TMEM131L: variants seen among roughly 807,000 people sequenced by gnomAD.
TMEM131L encodes transmembrane protein 131-like.
TMEM131L carries 54 observed loss-of-function variants against 192.2 expected under a neutral mutation model. That is an observed-to-expected ratio of 0.28 (90% CI 0.23 to 0.35). The LOEUF (loss-of-function observed/expected upper bound fraction) is 0.35, where lower values mean the gene tolerates loss of function less well. TMEM131L is among the 10% of genes least tolerant of loss of function. TMEM131L has a pLI of 1.00. For missense variants in TMEM131L, 1,888 were observed against 1,972.9 expected (o/e 0.96, Z 0.82); for synonymous variants, 701 against 704.9 (o/e 0.99, Z 0.09).
At chr4:153,603,256 G>T in intron 23 of TMEM131L, 47 bp from the exon 24 acceptor site, 1 of 1,506,990 alleles carries the variant, frequency 6.6e-7, no homozygotes. Flanking sequence ...TCTTTTGAAT[G>T]CCAGTCAGAA....
intron 3 of TMEM131L, among the ~76,000 whole-genome samples, chr4:153,510,140 A>C (rs1267102379): frequency 1.3e-5 from 2 of 152,100 alleles, no homozygotes; most frequent in African/African-American, 4.8e-5. Flanking sequence ...CAGCCTTTGG[A>C]TAGTTTAAAA....
Position 153,620,746 on chromosome 4 carries a change from T to C in TMEM131L, c.3568-10T>C, listed in dbSNP as rs1443270149. On this transcript the variant is annotated splice_polypyrimidine_tract_variant and intron_variant, in intron 26 of 34. Coordinates refer to ENST00000409959, the MANE Select transcript of TMEM131L (RefSeq NM_001131007.2). ...TTTAAACCATTAAACATTTACTTTCTCTTCTTTAGCAAGAAGATCCTTATA... is the reference window on the plus strand; with the variant it reads ...TTTAAACCATTAAACATTTACTTTCCCTTCTTTAGCAAGAAGATCCTTATA... 1.3e-6 allele frequency: 2 copies of C among 1,487,060 alleles called. No individual in the cohort carries two copies. The highest frequency in any genetic ancestry group is 1.8e-6 in the Non-Finnish European group (2 of 1,092,042). 92.1% of individuals were successfully genotyped at this position (1,487,060 alleles called of 1,614,324 possible).
intron 3 of TMEM131L, among the ~76,000 whole-genome samples, chr4:153,527,084 C>A (rs1043985427): frequency 5.3e-5 from 8 of 152,104 alleles, no homozygotes; most frequent in Non-Finnish European, 8.8e-5. Flanking sequence ...AATCAGATGA[C>A]CATCTTTTTT....
At chr4:153,541,768 C>T (rs773446315) in intron 3 of TMEM131L, among the ~76,000 whole-genome samples, 123 of 152,292 alleles carry the variant, frequency 8.1e-4, no homozygotes, top group African/African-American at 1.3e-3. Flanking sequence ...GAAACCAAGC[C>T]GGCAAAAAGA....
intron 3 of TMEM131L, among the ~76,000 whole-genome samples, chr4:153,515,525 A>G (rs1734669189): frequency 6.6e-6 from 1 of 152,196 alleles, no homozygotes; most frequent in Admixed American, 6.5e-5. Flanking sequence ...ATTATGAATA[A>G]TGCTGTGAAC....
At chr4:153,507,616 C>G (rs1734077325) in intron 3 of TMEM131L, among the ~76,000 whole-genome samples, 1 of 152,136 alleles carries the variant, frequency 6.6e-6, no homozygotes, top group Non-Finnish European at 1.5e-5. Context: ...ACCGTATTAC[C>G]CAGATTCTCT....
At chr4:153,620,915 T>C (rs1424106319) in intron 27 of TMEM131L, 35 bp downstream of exon 27, 14 of 1,527,964 alleles carry the variant, frequency 9.2e-6, no homozygotes, top group Admixed American at 4.8e-5. Context: ...TATTTTGATC[T>C]ATTTTTCACT....
chr4:153,514,458 A>C (rs1022469781), intron 3 of TMEM131L, among the ~76,000 whole-genome samples: 5 of 152,216 alleles, frequency 3.3e-5, no homozygotes, highest in African/African-American at 1.2e-4. Flanking sequence ...TTGGTTTTCA[A>C]AGTGGAAATA....
intron 32 of TMEM131L, 115 bp downstream of exon 32, chr4:153,632,953 G>T: frequency 8.0e-7 from 1 of 1,249,720 alleles, no homozygotes; most frequent in Non-Finnish European, 1.1e-6. Context: ...TTCTTCCTTG[G>T]TGTACTTTAG....
intron 3 of TMEM131L, among the ~76,000 whole-genome samples, chr4:153,539,032 A>C (rs1736559671): frequency 6.6e-6 from 1 of 152,212 alleles, no homozygotes; most frequent in Non-Finnish European, 1.5e-5. Context: ...AAAGAAGACG[A>C]GAAGGGGGGA....
chr4:153,486,564 C>T (rs903296386), intron 3 of TMEM131L, among the ~76,000 whole-genome samples: 4 of 152,212 alleles, frequency 2.6e-5, no homozygotes, highest in African/African-American at 4.8e-5. Flanking sequence ...CCTGGTTCTT[C>T]GGACCTGTCT....
At position 153,581,430 on chromosome 4, in the gene TMEM131L, T is replaced by C. The variant is rs1043177883; in HGVS notation, c.762T>C (p.Asp254=). Residue 254 remains aspartate (D), a synonymous_variant, in exon 9 of 35, where the codon GAT becomes GAC. Coordinates refer to ENST00000409959, the MANE Select transcript of TMEM131L (RefSeq NM_001131007.2). The part of the protein sequence containing the change: ...QLKGCYLESD[D]VLRLQMSIMV... ...AGGGTTGTTATCTGGAATCTGATGA[T>C]GTTTTGCGTCTACAAATGAGCATAA... 8.2e-6 allele frequency: 13 copies of C among 1,580,168 alleles called. No homozygotes were observed. Among genetic ancestry groups the C allele is most frequent in the South Asian group, 2.3e-5 (2 of 85,326 alleles).
chr4:153,593,892 A>C, intron 19 of TMEM131L, 21 bp downstream of exon 19: 1 of 1,547,550 alleles, frequency 6.5e-7, no homozygotes, highest in Non-Finnish European at 8.9e-7. Context: ...ATCCTAAAAC[A>C]GAAAAAAGAA....
chr4:153,577,294 A>T (rs1182217894), intron 7 of TMEM131L, among the ~76,000 whole-genome samples: 1 of 152,164 alleles, frequency 6.6e-6, no homozygotes, highest in Non-Finnish European at 1.5e-5. Context: ...GAAGTCTTTG[A>T]AGAGTTTTAA....
At chr4:153,570,814 T>TA (rs1446305209) in intron 7 of TMEM131L, among the ~76,000 whole-genome samples, 1 of 152,196 alleles carries the variant, frequency 6.6e-6, no homozygotes, top group Non-Finnish European at 1.5e-5. Flanking sequence ...TTTGTCCACT[T>TA]ATTTCAACTG....
rs1216119441 is a variant in TMEM131L, at chr4:153,582,420, G to GTTTTTTTTT, written c.893-769_893-761dup. Among the ~76,000 whole-genome samples the GTTTTTTTTT allele has an allele frequency of 1.1e-4, 9 of 81,830 alleles. 2 individuals are homozygous for GTTTTTTTTT. Among genetic ancestry groups the GTTTTTTTTT allele is most frequent in the Middle Eastern group, 8.8e-3 (1 of 114 alleles). 53.7% of individuals were successfully genotyped at this position (81,830 alleles called of 152,430 possible). A position where few individuals can be genotyped will look rare whatever the true frequency, so the allele number is the denominator to read the frequency against. On this transcript the variant is annotated intron_variant, in intron 9 of 34. Coordinates refer to ENST00000409959, the MANE Select transcript of TMEM131L (RefSeq NM_001131007.2). Reference sequence around the variant, plus strand: ...CCACTATGCCTGGCTAATTTAAACCGTTTTTTTTTGTTGTTTTTTTTTTTT... The same window carrying GTTTTTTTTT: ...CCACTATGCCTGGCTAATTTAAACCGTTTTTTTTTTTTTTTTTTGTTGTTTTTTTTTTTT...
chr4:153,539,492 A>ATTTTT (rs750436196), intron 3 of TMEM131L, among the ~76,000 whole-genome samples: 50 of 110,814 alleles, frequency 4.5e-4, no homozygotes, highest in African/African-American at 1.6e-3. Context: ...CAGAGGCTAG[A>ATTTTT]TTTTTTTTTT....
chr4:153,624,942 G>A (rs765499046), intron 29 of TMEM131L, among the ~76,000 whole-genome samples: 1 of 152,222 alleles, frequency 6.6e-6, no homozygotes, highest in Non-Finnish European at 1.5e-5. Context: ...ACGTGTACGC[G>A]ATTCCACTCA....
intron 17 of TMEM131L, among the ~76,000 whole-genome samples, chr4:153,591,753 A>G (rs938721345): frequency 6.6e-6 from 1 of 152,192 alleles, no homozygotes; most frequent in Non-Finnish European, 1.5e-5. Flanking sequence ...AGGTGCTCAT[A>G]GATTTTCTTA....
Sources: gnomAD v4.1 joint callset for allele counts (sites outside exome capture counted in the v4.1 genomes callset) on GRCh38, gnomAD v4.1.1 for gene constraint, MANE v1.5 for transcripts, NCBI Gene and HGNC (gene_info 2026-07-23, HGNC 2026-07-21) for gene names.